Variants in TRABD2A observed in about 807,000 individuals in gnomAD.
TRABD2A encodes metalloprotease TIKI1.
In TRABD2A, 43 loss-of-function variants were observed where a neutral mutation model predicts 45.6. The observed-to-expected ratio is 0.94, with a 90% CI of 0.74 to 1.22. The LOEUF (loss-of-function observed/expected upper bound fraction) is 1.22. Among genes scored for constraint, TRABD2A ranks in the 50% most tolerant of loss-of-function variants. TRABD2A has a pLI of 0.00. For missense variants in TRABD2A, 642 were observed against 652.4 expected (o/e 0.98, Z 0.17); for synonymous variants, 269 against 265.0 (o/e 1.02, Z -0.15).
intron 1 of TRABD2A, among the ~76,000 whole-genome samples, chr2:84,875,271 C>A (rs1028974703): frequency 6.6e-6 from 1 of 152,110 alleles, no homozygotes; most frequent in Non-Finnish European, 1.5e-5. Flanking sequence ...GTGAAGGAGA[C>A]GAGGGGCCCA....
chr2:84,855,956 A>G (rs554596235), intron 2 of TRABD2A, among the ~76,000 whole-genome samples: 10 of 152,122 alleles, frequency 6.6e-5, no homozygotes, highest in African/African-American at 2.4e-4. Context: ...CCTGCTCTGC[A>G]TATGAAAGGC....
At chr2:84,836,244 A>G (rs771174674) in intron 4 of TRABD2A, 3 of 152,262 alleles carry the variant, frequency 2.0e-5, no homozygotes, top group Non-Finnish European at 2.9e-5. Context: ...AGAATACTTC[A>G]TCCAACAACA....
chr2:84,831,163 G>T (rs1490753838), intron 5 of TRABD2A, among the ~76,000 whole-genome samples: 2 of 151,794 alleles, frequency 1.3e-5, no homozygotes, highest in Non-Finnish European at 2.9e-5. Context: ...AGTGTCCTTA[G>T]TAGAAGAGAG....
At chr2:84,863,610 T>A (rs1248163697) in intron 2 of TRABD2A, among the ~76,000 whole-genome samples, 1 of 136,266 alleles carries the variant, frequency 7.3e-6, no homozygotes, top group Non-Finnish European at 1.6e-5. Context: ...TTTTTTTTTT[T>A]TTTTTTTTTT....
intron 2 of TRABD2A, among the ~76,000 whole-genome samples, chr2:84,854,724 A>T (rs1373742796): frequency 6.6e-6 from 1 of 152,144 alleles, no homozygotes; most frequent in Non-Finnish European, 1.5e-5. Context: ...AGGCAAGGAG[A>T]GGCAATACAC....
At chr2:84,825,876 G>A (rs886845547) in intron 5 of TRABD2A, among the ~76,000 whole-genome samples, 28 of 152,222 alleles carry the variant, frequency 1.8e-4, no homozygotes, top group Non-Finnish European at 3.4e-4. Context: ...CAGGGATCTC[G>A]GTTGCACACT....
chr2:84,831,992 G>A, intron 5 of TRABD2A, 63 bp downstream of exon 5: 3 of 1,569,778 alleles, frequency 1.9e-6, no homozygotes, highest in Non-Finnish European at 2.6e-6. Flanking sequence ...GCCCACCCTG[G>A]TGCCCAGGCA....
chr2:84,838,374 T>C, intron 4 of TRABD2A: 1 of 611,252 alleles, frequency 1.6e-6, no homozygotes, highest in Non-Finnish European at 3.0e-6. Context: ...TCCAGAGCTG[T>C]GGAAAAGTTG....
intron 3 of TRABD2A, among the ~76,000 whole-genome samples, chr2:84,839,645 A>G (rs762121886): frequency 9.9e-5 from 15 of 152,134 alleles, no homozygotes; most frequent in Non-Finnish European, 1.8e-4. Context: ...CAGTACATCC[A>G]TAGTTTTAAC....
intron 3 of TRABD2A, among the ~76,000 whole-genome samples, chr2:84,840,516 C>A (rs759474000): frequency 1.3e-5 from 2 of 152,232 alleles, no homozygotes; most frequent in Non-Finnish European, 2.9e-5. Flanking sequence ...CATTCCCTGA[C>A]CTCCTGTAGG....
chr2:84,824,004 C>T lies in TRABD2A; in HGVS notation c.1283G>A (p.Arg428Gln), dbSNP rs2288352. 5.4e-4 allele frequency: 866 copies of T among 1,613,790 alleles called. 15 individuals are homozygous for T. The East Asian group carries it at 0.017, about 31-fold the overall frequency. ...RFRKKRRRSQ[R>Q]RPRLRQFSDL... ...GCTGAATTGCCGGAGTCGCGGCCTC[C>T]GCTGTGACCGCCTCCGCTTCTTCCG... The change falls in exon 6 of 7, where the codon CGG (arginine) becomes CAG (glutamine). Residue 428 changes from arginine (R) to glutamine (Q), a missense_variant. Transcript: ENST00000409520.
chr2:84,832,896 T>C (rs926696776), intron 4 of TRABD2A: 2 of 152,068 alleles, frequency 1.3e-5, no homozygotes, highest in African/African-American at 4.8e-5. Flanking sequence ...ACGGAAGGAA[T>C]GGCTACTTCC....
chr2:84,872,322 AAC>A (rs1258292878), intron 1 of TRABD2A, among the ~76,000 whole-genome samples: 1 of 152,196 alleles, frequency 6.6e-6, no homozygotes, highest in Non-Finnish European at 1.5e-5. Flanking sequence ...CAGCCTGGGC[AAC>A]ACAGCAAAGC....
intron 2 of TRABD2A, among the ~76,000 whole-genome samples, chr2:84,850,232 A>G (rs578183899): frequency 2.6e-5 from 4 of 152,302 alleles, no homozygotes; most frequent in African/African-American, 7.2e-5. Context: ...GGACAAAAGG[A>G]AGTGTGGTGG....
intron 2 of TRABD2A, among the ~76,000 whole-genome samples, chr2:84,869,441 G>T (rs1445330345): frequency 6.6e-6 from 1 of 152,180 alleles, no homozygotes; most frequent in East Asian, 1.9e-4. Context: ...CCAATGCCCT[G>T]GGGTAGGATC....
intron 1 of TRABD2A, among the ~76,000 whole-genome samples, chr2:84,875,311 C>T (rs1360989137): frequency 6.6e-6 from 1 of 152,170 alleles, no homozygotes; most frequent in Non-Finnish European, 1.5e-5. Context: ...AAGAGCATTC[C>T]CTCCAGGAGG....
intron 4 of TRABD2A, chr2:84,833,523 G>T (rs1573921076): frequency 6.6e-6 from 1 of 152,176 alleles, no homozygotes; most frequent in African/African-American, 2.4e-5. Context: ...CATGACAAAA[G>T]TCGCTGCTTG....
chr2:84,830,444 A>G lies in TRABD2A; in HGVS notation c.1082+1611T>C, dbSNP rs1681295698. On this transcript the variant is annotated intron_variant, in intron 5 of 6. Coordinates refer to ENST00000409520, the MANE Select transcript of TRABD2A (RefSeq NM_001277053.2). The surrounding 1 kb of genome is among the most constrained non-coding windows in gnomAD (Gnocchi z 4.9). ...CCTCCGCGTGAAGACAATGACCTTG[A>G]AAAAGAACAACATGAAACCACGGAG... is the stretch of plus-strand genomic sequence containing the variant. 1.3e-5 allele frequency among the ~76,000 whole-genome samples: 2 copies of G among 151,514 alleles called. No individual in the cohort carries two copies. The highest frequency in any genetic ancestry group is 4.2e-4 in the South Asian group (2 of 4,818).
chr2:84,831,947 G>T, intron 5 of TRABD2A, 108 bp downstream of exon 5: 1 of 1,071,382 alleles, frequency 9.3e-7, no homozygotes, highest in Non-Finnish European at 1.4e-6. Flanking sequence ...GGGAAATGAC[G>T]AGGCAGGGGT....
Sources: allele counts gnomAD v4.1 joint callset (sites outside exome capture counted in the v4.1 genomes callset), GRCh38; gene constraint gnomAD v4.1.1; non-coding constraint Gnocchi (gnomAD v3.1); transcripts MANE v1.5; gene names NCBI Gene and HGNC (gene_info 2026-07-23, HGNC 2026-07-21).